SGCZ: variants seen among roughly 807,000 people sequenced by gnomAD.
SGCZ encodes sarcoglycan zeta.
SGCZ carries 40 observed loss-of-function variants against 41.3 expected under a neutral mutation model. That is an observed-to-expected ratio of 0.97 (90% CI 0.75 to 1.26). The LOEUF (loss-of-function observed/expected upper bound fraction) is 1.26, where lower values mean the gene tolerates loss of function less well. Ranked by LOEUF, SGCZ falls within the 50% of genes most tolerant of loss-of-function variation. SGCZ has a pLI of 0.00. For missense variants in SGCZ, 552 were observed against 369.8 expected (o/e 1.49, Z -4.04); for synonymous variants, 206 against 137.5 (o/e 1.50, Z -3.49).
chr8:14,939,985 G>A (rs775174776), intron 1 of SGCZ, among the ~76,000 whole-genome samples: 5 of 152,122 alleles, frequency 3.3e-5, no homozygotes, highest in Non-Finnish European at 7.4e-5. Flanking sequence ...TTAGGGATTA[G>A]CACAGCAGAC....
At chr8:14,462,642 C>T (rs532704184) in intron 2 of SGCZ, among the ~76,000 whole-genome samples, 2 of 151,912 alleles carry the variant, frequency 1.3e-5, no homozygotes, top group Non-Finnish European at 2.9e-5. Context: ...GTTTTGAAAC[C>T]GGGAAGTATG....
At chr8:14,168,080 A>G (rs1804261505) in intron 4 of SGCZ, among the ~76,000 whole-genome samples, 1 of 152,162 alleles carries the variant, frequency 6.6e-6, no homozygotes, top group South Asian at 2.1e-4. Flanking sequence ...TGTCATGATC[A>G]TCCTTTCTTT....
intron 1 of SGCZ, among the ~76,000 whole-genome samples, chr8:14,763,898 C>G (rs1366264128): frequency 6.6e-6 from 1 of 152,124 alleles, no homozygotes; most frequent in Non-Finnish European, 1.5e-5. Flanking sequence ...GACACACCTA[C>G]TGGATGGAGG....
At chr8:14,672,569 G>T (rs1808138977) in intron 1 of SGCZ, among the ~76,000 whole-genome samples, 1 of 152,168 alleles carries the variant, frequency 6.6e-6, no homozygotes, top group Admixed American at 6.5e-5. Context: ...TACAGTAGGT[G>T]CTGTAATAAC....
intron 2 of SGCZ, among the ~76,000 whole-genome samples, chr8:14,414,460 T>A (rs1350554561): frequency 1.3e-5 from 2 of 151,942 alleles, no homozygotes; most frequent in South Asian, 2.1e-4. Context: ...AGGATGGGTC[T>A]GAGGTATTTT....
chr8:14,860,232 T>G (rs1038264224), intron 1 of SGCZ, among the ~76,000 whole-genome samples: 9 of 151,974 alleles, frequency 5.9e-5, no homozygotes, highest in Non-Finnish European at 1.0e-4. Flanking sequence ...TTTTATGACC[T>G]TCGTTCGAAA....
At chr8:15,193,495 A>G (rs1800609204) in intron 1 of SGCZ, among the ~76,000 whole-genome samples, 2 of 152,082 alleles carry the variant, frequency 1.3e-5, no homozygotes. Context: ...GTCAAATGGT[A>G]CTTTGGAGAT....
At chr8:14,620,572 A>T (rs1243041544) in intron 1 of SGCZ, among the ~76,000 whole-genome samples, 3 of 133,698 alleles carry the variant, frequency 2.2e-5, no homozygotes, top group South Asian at 2.5e-4. Flanking sequence ...GAATCTACGA[A>T]GAACTCAAAA....
At chr8:15,121,032 A>G (rs1807458399) in intron 1 of SGCZ, among the ~76,000 whole-genome samples, 1 of 152,214 alleles carries the variant, frequency 6.6e-6, no homozygotes, top group Non-Finnish European at 1.5e-5. Flanking sequence ...GAGCCAACAG[A>G]TAAATGCTTT....
At chr8:14,237,821 T>C (rs1806824087) in intron 3 of SGCZ, 142 bp from the exon 4 acceptor site, 4 of 640,532 alleles carry the variant, frequency 6.2e-6, no homozygotes, top group Admixed American at 5.8e-5. Flanking sequence ...GTCCCAATCA[T>C]TGGTGGACAA....
At chr8:15,212,954 C>T (rs962216990) in intron 1 of SGCZ, among the ~76,000 whole-genome samples, 18 of 152,002 alleles carry the variant, frequency 1.2e-4, no homozygotes, top group African/African-American at 4.3e-4. Context: ...TCACTGTAGA[C>T]ATTTACCTCT....
At chr8:14,303,318 T>C (rs1172114566) in intron 3 of SGCZ, among the ~76,000 whole-genome samples, 2 of 152,084 alleles carry the variant, frequency 1.3e-5, no homozygotes, top group Admixed American at 6.6e-5. Flanking sequence ...ATTTACGAAA[T>C]ATGGGAGGTT....
intron 4 of SGCZ, among the ~76,000 whole-genome samples, chr8:14,208,587 A>G (rs1050107447): frequency 5.3e-5 from 8 of 152,210 alleles, no homozygotes; most frequent in Admixed American, 1.3e-4. Context: ...AACAAACTCA[A>G]TATTAGCAAT....
intron 1 of SGCZ, among the ~76,000 whole-genome samples, chr8:14,575,707 G>C (rs1024109417): frequency 1.3e-5 from 2 of 152,020 alleles, no homozygotes; most frequent in Non-Finnish European, 2.9e-5. Context: ...AGGAGTTCGA[G>C]ATCAGCCTGA....
At chr8:14,271,699 G>T (rs979397724) in intron 3 of SGCZ, among the ~76,000 whole-genome samples, 40 of 152,226 alleles carry the variant, frequency 2.6e-4, no homozygotes, top group African/African-American at 8.9e-4. Flanking sequence ...CTTGACTGGG[G>T]TTTTTATATC....
chr8:14,491,016 T>C (rs986855819), intron 2 of SGCZ, among the ~76,000 whole-genome samples: 2 of 152,220 alleles, frequency 1.3e-5, no homozygotes, highest in Admixed American at 6.5e-5. Context: ...ATTCTACTAA[T>C]CAATTTAAAC....
At chr8:14,351,738 T>C (rs192898909) in intron 2 of SGCZ, among the ~76,000 whole-genome samples, 8 of 152,162 alleles carry the variant, frequency 5.3e-5, no homozygotes, top group African/African-American at 1.9e-4. Flanking sequence ...TTAATTTCTT[T>C]ATATTATGAT....
At chr8:14,150,377 A>G (rs1358540404) in intron 5 of SGCZ, among the ~76,000 whole-genome samples, 2 of 152,164 alleles carry the variant, frequency 1.3e-5, no homozygotes, top group Admixed American at 1.3e-4. Context: ...AAAAGAATAG[A>G]TATTTCTCAA....
At chr8:14,117,415 TG>T (rs1802557501) in intron 5 of SGCZ, among the ~76,000 whole-genome samples, 1 of 95,840 alleles carries the variant, frequency 1.0e-5, no homozygotes, top group African/African-American at 3.6e-5. Context: ...CATCTGTGTG[TG>T]TGTGTGTGTG....
Sources: gnomAD v4.1 joint callset for allele counts (sites outside exome capture counted in the v4.1 genomes callset) on GRCh38, gnomAD v4.1.1 for gene constraint, MANE v1.5 for transcripts, NCBI Gene and HGNC (gene_info 2026-07-23, HGNC 2026-07-21) for gene names.